Variants in MAT2B observed in about 807,000 individuals in gnomAD.
The protein encoded by MAT2B is methionine adenosyltransferase 2 non-catalytic beta subunit.
A neutral mutation model predicts 36.1 loss-of-function variants in MAT2B; 16 were observed. That is an observed-to-expected ratio of 0.44 (90% confidence interval 0.30 to 0.67). MAT2B has a LOEUF of 0.67. MAT2B is among the 30% of genes least tolerant of loss of function. The probability of loss-of-function intolerance (pLI) is 0.09; values close to 1 mark genes in which losing one functional copy is unlikely to be tolerated. For synonymous variants in MAT2B, 148 were observed against 136.9 expected, an observed-to-expected ratio of 1.08 and a Z score of -0.57; for missense variants, 332 against 398.2, an observed-to-expected ratio of 0.83 and a Z score of 1.42.
At position 163,510,493 on chromosome 5, in the gene MAT2B, T is replaced by C. The variant is rs1278755267; in HGVS notation, c.64-1509T>C. On this transcript the variant is annotated intron_variant, in intron 1 of 6. Coordinates refer to ENST00000321757, the MANE Select transcript of MAT2B (RefSeq NM_013283.5). Reference sequence around the variant, plus strand: ...TCATTGCAACCTCCGCCTCCTGGGTTCAAGCAATTCTCCCGCCTCGCCTCC... The same window carrying C: ...TCATTGCAACCTCCGCCTCCTGGGTCCAAGCAATTCTCCCGCCTCGCCTCC... Among the ~76,000 whole-genome samples the C allele has an allele frequency of 6.0e-5, 9 of 150,644 alleles. No individual in the cohort carries two copies. In the East Asian group the frequency reaches 1.8e-3, roughly 29 times the overall value.
intron 1 of MAT2B, among the ~76,000 whole-genome samples, chr5:163,507,216 T>C (rs1456461417): frequency 6.6e-6 from 1 of 152,238 alleles, no homozygotes; most frequent in Non-Finnish European, 1.5e-5. Flanking sequence ...TATTCCATTC[T>C]TTACTTTTCT....
Position 163,505,761 on chromosome 5 carries a change from G to A in MAT2B, c.63+12G>A. On this transcript the variant is annotated intron_variant, in intron 1 of 6. Transcript: ENST00000321757. ...GTCGGCTGGTGGAGGTGAGGGAGTC[G>A]GCCTGGGCGTCTCCGGTGGGAGCGG... 7.9e-7 allele frequency: 1 copy of A among 1,267,756 alleles called. No homozygotes were observed. The highest frequency in any genetic ancestry group is 3.9e-5 in the Admixed American group (1 of 25,408). The allele number at this position is 1,267,756 out of a possible 1,614,324, so 78.5% of individuals were successfully genotyped here. A position where few individuals can be genotyped will look rare whatever the true frequency, so the allele number is the denominator to read the frequency against.
chr5:163,507,371 ATATT>A (rs141896324), intron 1 of MAT2B, among the ~76,000 whole-genome samples: 54 of 152,302 alleles, frequency 3.5e-4, no homozygotes, highest in Admixed American at 6.5e-4. Flanking sequence ...GATAATAAGA[ATATT>A]TATTTATATG....
intron 1 of MAT2B, among the ~76,000 whole-genome samples, chr5:163,510,551 C>T (rs968317804): frequency 3.3e-5 from 5 of 151,962 alleles, no homozygotes; most frequent in South Asian, 2.1e-4. Flanking sequence ...CCTGCAACCA[C>T]GCCTGGCTAA....
intron 2 of MAT2B, 99 bp from the exon 3 acceptor site, chr5:163,513,456 T>C (rs1760081537): frequency 1.5e-6 from 1 of 661,752 alleles, no homozygotes; most frequent in African/African-American, 1.8e-5. Context: ...GAAAGAATGT[T>C]GACTTACTGC....
At chr5:163,503,452 G>A (rs764693786), upstream of MAT2B, 5 of 1,606,678 alleles carry the variant, frequency 3.1e-6, no homozygotes, top group Admixed American at 3.3e-5. Context: ...AAGAAATGAA[G>A]CATTCTAGAG....
chr5:163,504,183 AAGT>A (rs1043566614), upstream of MAT2B, among the ~76,000 whole-genome samples: 4 of 152,110 alleles, frequency 2.6e-5, no homozygotes, highest in Admixed American at 6.5e-5. Context: ...TTAAGAGAAA[AAGT>A]AGTAAGATGA....
intron 5 of MAT2B, 126 bp from the exon 6 acceptor site, chr5:163,517,435 C>A: frequency 1.9e-6 from 1 of 522,430 alleles, no homozygotes; most frequent in East Asian, 2.9e-5. Context: ...CTTGTGGAGA[C>A]CTTTCCAGAA....
At position 163,512,303 on chromosome 5, in the gene MAT2B, A is replaced by G. The variant is rs1013904821; in HGVS notation, c.258+107A>G. 23 of 1,029,024 alleles carry G rather than the reference A, an allele frequency of 2.2e-5. No homozygotes were observed. In the African/African-American group the frequency reaches 2.7e-4, roughly 12 times the overall value. 63.7% of individuals were successfully genotyped at this position (1,029,024 alleles called of 1,614,324 possible). A position where few individuals can be genotyped will look rare whatever the true frequency, so the allele number is the denominator to read the frequency against. ...GGAAATTACTATGTTTGAAAGCTCT[A>G]AAGTTGTATTATGCAGTAGCATTTT... On this transcript the variant is annotated intron_variant, in intron 2 of 6. Transcript: ENST00000321757.
chr5:163,503,331 C>G, upstream of MAT2B: 3 of 1,509,232 alleles, frequency 2.0e-6, no homozygotes, highest in Non-Finnish European at 2.8e-6. Flanking sequence ...AACAAAGACC[C>G]AGCAAGAGAA....
rs767834890 is a variant in MAT2B at position 163,512,104 on chromosome 5, G to C, written c.166G>C (p.Val56Leu). 6.2e-7 allele frequency: 1 copy of C among 1,614,158 alleles called. No homozygotes were observed. The highest frequency in any genetic ancestry group is 8.5e-7 in the Non-Finnish European group (1 of 1,179,980). ...KEFQQNNWHA[V>L]GCGFRRARPK... Reference sequence around the variant, plus strand: ...ATTTCAGCAGAATAATTGGCATGCAGTTGGCTGTGGTTTCAGAAGAGCAAG... The same window carrying C: ...ATTTCAGCAGAATAATTGGCATGCACTTGGCTGTGGTTTCAGAAGAGCAAG... The change falls in exon 2 of 7, where the codon GTT (valine) becomes CTT (leucine). Residue 56 changes from valine to leucine, a missense_variant. Val to Leu is a conservative substitution (Grantham distance 32). Coordinates refer to ENST00000321757, the MANE Select transcript of MAT2B (RefSeq NM_013283.5).
At chr5:163,506,682 A>G (rs565485377) in intron 1 of MAT2B, among the ~76,000 whole-genome samples, 154 of 152,350 alleles carry the variant, frequency 1.0e-3, no homozygotes, top group African/African-American at 3.6e-3. Flanking sequence ...TAAATGGTCT[A>G]TTAAACCTCT....
upstream of MAT2B, among the ~76,000 whole-genome samples, chr5:163,504,768 T>G (rs1332023808): frequency 6.6e-6 from 1 of 152,172 alleles, no homozygotes; most frequent in East Asian, 1.9e-4. Context: ...TTAGGGCTGC[T>G]TAACTTTTAA....
upstream of MAT2B, chr5:163,505,451 C>G: frequency 9.1e-7 from 1 of 1,100,170 alleles, no homozygotes. Context: ...TTGTGTGTCG[C>G]TTTAAGCATC....
intron 1 of MAT2B, among the ~76,000 whole-genome samples, chr5:163,510,995 T>G (rs1760030271): frequency 6.6e-6 from 1 of 152,172 alleles, no homozygotes; most frequent in South Asian, 2.1e-4. Context: ...AAAACACGTT[T>G]CTCTCTAGAG....
chr5:163,513,225 A>G (rs932897120), intron 2 of MAT2B: 1 of 198,844 alleles, frequency 5.0e-6, no homozygotes, highest in Non-Finnish European at 1.0e-5. Flanking sequence ...TCCTGGCCTC[A>G]AGCATTGTCT....
chr5:163,518,173 G>A lies in MAT2B; in HGVS notation c.835-20G>A. On this transcript the variant is annotated intron_variant, in intron 6 of 6. Coordinates refer to ENST00000321757, the MANE Select transcript of MAT2B (RefSeq NM_013283.5). ...CCTTTCACTTACTTTTGATTTTTTT[G>A]TGTTTATCTTTCTTTAAAGATTACT... is the stretch of plus-strand genomic sequence containing the variant. The A allele has an allele frequency of 3.2e-6, 5 of 1,562,814 alleles. No homozygotes were observed. The highest frequency in any genetic ancestry group is 4.6e-5 in the East Asian group (2 of 43,850).
chr5:163,516,839 C>G (rs1760141412), intron 5 of MAT2B, 128 bp downstream of exon 5: 5 of 809,966 alleles, frequency 6.2e-6, no homozygotes, highest in Non-Finnish European at 1.0e-5. Flanking sequence ...ACTAGGAGAC[C>G]AAACAAAAGT....
At chr5:163,509,569 GACCTTAGGAACTGTT>G (rs1760006315) in intron 1 of MAT2B, among the ~76,000 whole-genome samples, 1 of 152,296 alleles carries the variant, frequency 6.6e-6, no homozygotes, top group African/African-American at 2.4e-5. Context: ...GAGAACCACT[GACCTTAGGAACTGTT>G]ACCTGTTCCT....
Sources: gnomAD v4.1 joint callset for allele counts (sites outside exome capture counted in the v4.1 genomes callset) on GRCh38, gnomAD v4.1.1 for gene constraint, MANE v1.5 for transcripts, NCBI Gene and HGNC (gene_info 2026-07-23, HGNC 2026-07-21) for gene names.